CPLX2: variants seen among roughly 807,000 people sequenced by gnomAD.
The protein encoded by CPLX2 is complexin 2.
In CPLX2, 5 loss-of-function variants were observed where a neutral mutation model predicts 16.3. That is an observed-to-expected ratio of 0.31 (90% CI 0.16 to 0.64). The LOEUF is 0.64. CPLX2 is among the 30% of genes least tolerant of loss of function. The pLI, the probability that CPLX2 is intolerant of heterozygous loss-of-function variation, is 0.79. For missense variants in CPLX2, 144 were observed against 181.4 expected (o/e 0.79, Z 1.18); for synonymous variants, 89 against 73.2 (o/e 1.22, Z -1.10).
rs1382307825 is a variant in CPLX2 at position 175,845,880 on chromosome 5, T to C, written c.-88-32772T>C. Among the ~76,000 whole-genome samples, 1 of 152,148 alleles carries C rather than the reference T, an allele frequency of 6.6e-6. No homozygotes were observed. The highest frequency in any genetic ancestry group is 1.5e-5 in the Non-Finnish European group (1 of 68,024). On this transcript the variant is annotated intron_variant, in intron 2 of 4. Transcript: ENST00000359546. The surrounding 1 kb of genome is among the most constrained non-coding windows in gnomAD (Gnocchi z 4.0). ...GAGGGAAACCCAGGATGGGTGGGCC[T>C]GGGTCCCAGGAAAGGGGAGTCATTT...
intron 2 of CPLX2, among the ~76,000 whole-genome samples, chr5:175,847,846 C>G (rs1759077636): frequency 6.6e-6 from 1 of 152,214 alleles, no homozygotes; most frequent in Admixed American, 6.5e-5. Context: ...CCCCTCTCCT[C>G]CAATCCACAT....
chr5:175,796,608 G>A (rs1472755738), exon 1 of CPLX2: 1 of 152,464 alleles, frequency 6.6e-6, no homozygotes, highest in African/African-American at 2.4e-5. Flanking sequence ...CCTGCAGCTC[G>A]GCAGGCATTC....
intron 1 of CPLX2, among the ~76,000 whole-genome samples, chr5:175,802,326 C>T (rs771216737): frequency 6.6e-6 from 1 of 152,168 alleles, no homozygotes; most frequent in Non-Finnish European, 1.5e-5. Context: ...TTCCCTGCCG[C>T]CCCCTCAATC....
At chr5:175,823,913 CAGG>C (rs1019974039) in intron 2 of CPLX2, among the ~76,000 whole-genome samples, 6 of 152,186 alleles carry the variant, frequency 3.9e-5, no homozygotes, top group African/African-American at 1.2e-4. Flanking sequence ...TTGCCACCCA[CAGG>C]AGGAGGAGGA....
chr5:175,829,134 A>G (rs1228667496), intron 2 of CPLX2, among the ~76,000 whole-genome samples: 1 of 152,142 alleles, frequency 6.6e-6, no homozygotes, highest in Non-Finnish European at 1.5e-5. Context: ...AGACCCCAAC[A>G]TCTTGGACCT....
At position 175,872,710 on chromosome 5, in the gene CPLX2, G is replaced by A. The variant is rs1449466030; in HGVS notation, c.-89+1005G>A. 6.6e-6 allele frequency: 1 copy of A among 152,282 alleles called. No individual in the cohort carries two copies. Among genetic ancestry groups the A allele is most frequent in the African/African-American group, 2.4e-5 (1 of 41,452 alleles). The allele number at this position is 152,282 out of a possible 1,614,324, so 9.4% of individuals were successfully genotyped here. A position where few individuals can be genotyped will look rare whatever the true frequency, so the allele number is the denominator to read the frequency against. On this transcript the variant is annotated intron_variant, in intron 1 of 3. Transcript: ENST00000393745. The surrounding 1 kb of genome is among the most constrained non-coding windows in gnomAD (Gnocchi z 5.0). ...CCACGGGGTGGGGACGGGGCGGGGG[G>A]AGGGGGTGGAGTGACATCCCCTGTC...
chr5:175,810,291 G>A (rs913628635), intron 2 of CPLX2, among the ~76,000 whole-genome samples: 2 of 147,192 alleles, frequency 1.4e-5, no homozygotes, highest in Non-Finnish European at 3.1e-5. Context: ...GACTGGCCCA[G>A]TGTCACACAG....
At chr5:175,840,062 G>A (rs1758918741) in intron 2 of CPLX2, among the ~76,000 whole-genome samples, 1 of 152,070 alleles carries the variant, frequency 6.6e-6, no homozygotes, top group Non-Finnish European at 1.5e-5. Context: ...CACTCAGAAA[G>A]GCCAAATTTA....
At chr5:175,874,154 T>C (rs918780675) in intron 1 of CPLX2, among the ~76,000 whole-genome samples, 32 of 152,112 alleles carry the variant, frequency 2.1e-4, no homozygotes, top group Non-Finnish European at 4.7e-4. Context: ...GGAAGATTAA[T>C]TGGATGGCCA....
At chr5:175,813,971 C>G (rs1758359502) in intron 2 of CPLX2, among the ~76,000 whole-genome samples, 1 of 152,204 alleles carries the variant, frequency 6.6e-6, no homozygotes, top group Non-Finnish European at 1.5e-5. Context: ...ATACTGCATT[C>G]CTGTTTATGA....
chr5:175,840,493 A>C (rs1195182324), intron 2 of CPLX2, among the ~76,000 whole-genome samples: 1 of 152,276 alleles, frequency 6.6e-6, no homozygotes, highest in Admixed American at 6.5e-5. Flanking sequence ...GTCACAACTT[A>C]GATTTTCAAG....
intron 1 of CPLX2, among the ~76,000 whole-genome samples, chr5:175,804,948 C>G (rs1758169306): frequency 6.6e-6 from 1 of 152,190 alleles, no homozygotes; most frequent in African/African-American, 2.4e-5. Flanking sequence ...CAAGCTCTTT[C>G]TATACTTAAC....
chr5:175,875,269 T>A (rs937086223), intron 1 of CPLX2, among the ~76,000 whole-genome samples: 1 of 151,632 alleles, frequency 6.6e-6, no homozygotes, highest in Non-Finnish European at 1.5e-5. Flanking sequence ...AAAAGCAACA[T>A]ATGGAGAGGG....
At chr5:175,862,531 T>C (rs1325272263) in intron 2 of CPLX2, among the ~76,000 whole-genome samples, 1 of 152,072 alleles carries the variant, frequency 6.6e-6, no homozygotes, top group Non-Finnish European at 1.5e-5. Context: ...GAACTGTAAA[T>C]CATCTGGTGT....
At chr5:175,833,165 A>AAAAAAAAAAAAAG (rs1179626658) in intron 2 of CPLX2, among the ~76,000 whole-genome samples, 1 of 152,090 alleles carries the variant, frequency 6.6e-6, no homozygotes, top group East Asian at 1.9e-4. Flanking sequence ...TCAAAAAAAA[A>AAAAAAAAAAAAAG]AGAGAAAAGA....
At chr5:175,856,553 G>C (rs1437319388) in intron 2 of CPLX2, among the ~76,000 whole-genome samples, 1 of 152,190 alleles carries the variant, frequency 6.6e-6, no homozygotes, top group Non-Finnish European at 1.5e-5. Context: ...AGACAGAGCA[G>C]GTTTCCAAGG....
At chr5:175,823,809 A>G (rs1758556459) in intron 2 of CPLX2, among the ~76,000 whole-genome samples, 1 of 151,984 alleles carries the variant, frequency 6.6e-6, no homozygotes, top group Non-Finnish European at 1.5e-5. Flanking sequence ...GAGTTAATGT[A>G]TCTCCCTCTC....
At position 175,812,720 on chromosome 5, in the gene CPLX2, C is replaced by G. The variant is rs184918262; in HGVS notation, c.-89+3652C>G. Among the ~76,000 whole-genome samples, 9 of 152,240 alleles carry G rather than the reference C, an allele frequency of 5.9e-5. No individual in the cohort carries two copies. The East Asian group carries it at 1.4e-3, about 23-fold the overall frequency. ...GCTTGAAATAATGTTCCTCAGCATCCTGGGCTTCTAAGAAGGTTCTCAGGG... is the reference window on the plus strand; with the variant it reads ...GCTTGAAATAATGTTCCTCAGCATCGTGGGCTTCTAAGAAGGTTCTCAGGG... On this transcript the variant is annotated intron_variant, in intron 2 of 4. Coordinates refer to the CPLX2 transcript ENST00000359546.
intron 2 of CPLX2, among the ~76,000 whole-genome samples, chr5:175,810,384 G>C (rs1293881534): frequency 6.6e-6 from 1 of 152,180 alleles, no homozygotes; most frequent in Non-Finnish European, 1.5e-5. Context: ...ACCTTCTTCA[G>C]GTTTTGTCTC....
Sources: allele counts gnomAD v4.1 joint callset (sites outside exome capture counted in the v4.1 genomes callset), GRCh38; gene constraint gnomAD v4.1.1; non-coding constraint Gnocchi (gnomAD v3.1); transcripts MANE v1.5; gene names NCBI Gene and HGNC (gene_info 2026-07-23, HGNC 2026-07-21).